Variants in PCDHGA1 observed in about 807,000 individuals in gnomAD.
PCDHGA1 encodes protocadherin gamma-A1.
PCDHGA1 carries 32 observed loss-of-function variants against 58.0 expected under a neutral mutation model. The observed-to-expected ratio is 0.55, with a 90% CI of 0.42 to 0.74. PCDHGA1 has a LOEUF of 0.74. Ranked by LOEUF, PCDHGA1 falls within the 30% of genes least tolerant of loss-of-function variation. The probability of loss-of-function intolerance (pLI) is 0.00; values close to 1 mark genes in which losing one functional copy is unlikely to be tolerated. For missense variants in PCDHGA1, 1,205 were observed against 1,182.3 expected (o/e 1.02, Z -0.28); for synonymous variants, 498 against 501.1 (o/e 0.99, Z 0.08).
chr5:141,410,852 T>A, intron 1 of PCDHGA1: 1 of 284,264 alleles, frequency 3.5e-6, no homozygotes. Context: ...TCTTTGTCTT[T>A]TTTTTTTTTT....
intron 1 of PCDHGA1, among the ~76,000 whole-genome samples, chr5:141,435,264 T>C (rs1442193276): frequency 5.3e-5 from 8 of 152,222 alleles, no homozygotes; most frequent in Non-Finnish European, 8.8e-5. Context: ...GATATGTCCA[T>C]TTATACTTTC....
At chr5:141,415,396 G>C (rs11575962) in intron 1 of PCDHGA1, 2 of 1,614,204 alleles carry the variant, frequency 1.2e-6, no homozygotes, top group Non-Finnish European at 1.7e-6. Flanking sequence ...AGGTGTGTCC[G>C]GCTCGCACTT....
intron 1 of PCDHGA1, chr5:141,364,635 G>A (rs1211803490): frequency 2.5e-6 from 4 of 1,614,038 alleles, no homozygotes; most frequent in African/African-American, 1.3e-5. Context: ...AGCCCACTGT[G>A]TGTGGTGAAC....
In PCDHGA1 at chr5:141,505,574, CCT is replaced by C. The variant is rs562555098; in HGVS notation, c.2569+94_2569+95del. 5.3e-5 allele frequency: 85 copies of C among 1,593,636 alleles called. No individual in the cohort carries two copies. The African/African-American group carries it at 1.0e-3, about 20-fold the overall frequency. On this transcript the variant is annotated intron_variant, in intron 3 of 3. Coordinates refer to ENST00000517417, the MANE Select transcript of PCDHGA1 (RefSeq NM_018912.3). ...CCATGCCCACGGACTGGATGTCAAACCTGTGTAGTTTCTCCAGATCTTTCGGC... is the reference window on the plus strand; with the variant it reads ...CCATGCCCACGGACTGGATGTCAAACGTGTAGTTTCTCCAGATCTTTCGGC...
At position 141,383,504 on chromosome 5, in the gene PCDHGA1, G is replaced by C. The variant is rs373658496; in HGVS notation, c.2421+50399G>C. ...CTGGTGCTGGAGCGGGTGCTGGACC[G>C]GGAGGAAGAGCGGGTTCACCACCTG... On this transcript the variant is annotated intron_variant, in intron 1 of 3. Coordinates refer to ENST00000517417, the MANE Select transcript of PCDHGA1 (RefSeq NM_018912.3). The C allele has an allele frequency of 1.9e-5, 30 of 1,612,648 alleles. No individual in the cohort carries two copies. The East Asian group carries it at 3.6e-4, about 19-fold the overall frequency.
At chr5:141,388,993 G>C (rs778336882) in intron 1 of PCDHGA1, 1 of 1,614,026 alleles carries the variant, frequency 6.2e-7, no homozygotes, top group South Asian at 1.1e-5. Context: ...CTCAAAGTCC[G>C]TGACAAGGAT....
At chr5:141,407,385 T>A (rs1306044111) in intron 1 of PCDHGA1, among the ~76,000 whole-genome samples, 1 of 152,228 alleles carries the variant, frequency 6.6e-6, no homozygotes, top group South Asian at 2.1e-4. Flanking sequence ...GGCTTGTATG[T>A]CATGGTAGGT....
chr5:141,413,836 G>A, intron 1 of PCDHGA1: 2 of 1,613,256 alleles, frequency 1.2e-6, no homozygotes, highest in Non-Finnish European at 1.7e-6. Context: ...CGCCTCCGAC[G>A]GGGGTGACCC....
At position 141,489,503 on chromosome 5, in the gene PCDHGA1, A is replaced by T; in HGVS notation, c.2422-5304A>T. 1 of 1,614,092 alleles carries T rather than the reference A, an allele frequency of 6.2e-7. No homozygotes were observed. ...ATGAGTGGTGCCCTGGCAGTGAATC[A>T]AAAGATTGACCGAGAAAGCCTATGT... is the stretch of plus-strand genomic sequence containing the variant. On this transcript the variant is annotated intron_variant, in intron 1 of 3. Transcript: ENST00000517417. The surrounding 1 kb of genome is among the most constrained non-coding windows in gnomAD (Gnocchi z 4.5).
At chr5:141,364,587 C>T in intron 1 of PCDHGA1, 3 of 1,614,204 alleles carry the variant, frequency 1.9e-6, no homozygotes, top group Non-Finnish European at 2.5e-6. Flanking sequence ...AGCTTGGTCA[C>T]CGCGGGCAGG....
intron 1 of PCDHGA1, chr5:141,351,290 AC>A: frequency 1.2e-6 from 2 of 1,613,770 alleles, no homozygotes; most frequent in Non-Finnish European, 1.7e-6. Context: ...CCCAGAGGTG[AC>A]ATTCATGTCC....
intron 1 of PCDHGA1, among the ~76,000 whole-genome samples, chr5:141,446,356 A>G (rs73280911): frequency 0.088 from 13,411 of 152,284 alleles, 771 homozygotes; most frequent in African/African-American, 0.16. Flanking sequence ...CTACCATTTG[A>G]TGAGAATGGA....
chr5:141,352,170 G>A (rs1446316732), intron 1 of PCDHGA1: 4 of 1,613,280 alleles, frequency 2.5e-6, no homozygotes, highest in Non-Finnish European at 2.5e-6. Flanking sequence ...GCCCGCCAGC[G>A]CCTGCTGGTC....
intron 2 of PCDHGA1, among the ~76,000 whole-genome samples, chr5:141,500,666 G>A (rs567881941): frequency 3.6e-4 from 55 of 152,250 alleles, no homozygotes; most frequent in African/African-American, 1.3e-3. Context: ...AGGCCATACT[G>A]TCCAACAGAA....
rs1317111249 is a variant in PCDHGA1, at chr5:141,413,333, C to A, written c.2421+80228C>A. 3.1e-6 allele frequency: 5 copies of A among 1,613,966 alleles called. No individual in the cohort carries two copies. The Admixed American group carries it at 6.7e-5, about 22-fold the overall frequency. On this transcript the variant is annotated intron_variant, in intron 1 of 3. Coordinates refer to ENST00000517417, the MANE Select transcript of PCDHGA1 (RefSeq NM_018912.3). ...AAAGGCTCTTTCGTGGGCAACATCTCCAAGGACTTGGGTCTGGCGCCCCGG... is the reference window on the plus strand; with the variant it reads ...AAAGGCTCTTTCGTGGGCAACATCTACAAGGACTTGGGTCTGGCGCCCCGG...
chr5:141,478,118 G>A (rs1266841885), intron 1 of PCDHGA1: 1 of 1,613,930 alleles, frequency 6.2e-7, no homozygotes, highest in East Asian at 2.2e-5. Context: ...GTCAGTAACC[G>A]AGGACTCTCC....
chr5:141,337,923 A>G (rs1756715017), intron 1 of PCDHGA1, among the ~76,000 whole-genome samples: 1 of 152,196 alleles, frequency 6.6e-6, no homozygotes, highest in Non-Finnish European at 1.5e-5. Flanking sequence ...CTCTAGCTTT[A>G]TCAAATAGAC....
At chr5:141,395,067 AC>A (rs1479370833) in intron 1 of PCDHGA1, 1 of 1,613,888 alleles carries the variant, frequency 6.2e-7, no homozygotes, top group African/African-American at 1.3e-5. Flanking sequence ...TTTCCTGCAG[AC>A]CTATTCCCAG....
intron 1 of PCDHGA1, among the ~76,000 whole-genome samples, chr5:141,381,529 A>G (rs530526235): frequency 3.3e-5 from 5 of 152,212 alleles, no homozygotes; most frequent in Non-Finnish European, 5.9e-5. Context: ...TTTGAATTGC[A>G]TACTAGGATG....
Sources: gnomAD v4.1 joint callset for allele counts (sites outside exome capture counted in the v4.1 genomes callset) on GRCh38, gnomAD v4.1.1 for gene constraint, Gnocchi (gnomAD v3.1) non-coding constraint, MANE v1.5 for transcripts, NCBI Gene and HGNC (gene_info 2026-07-23, HGNC 2026-07-21) for gene names.